Variants in PPFIA2 observed in about 807,000 individuals in gnomAD.
The protein encoded by PPFIA2 is liprin-alpha-2.
In PPFIA2, 46 loss-of-function variants were observed where a neutral mutation model predicts 175.5. That is an observed-to-expected ratio of 0.26 (90% confidence interval 0.21 to 0.34). The LOEUF (loss-of-function observed/expected upper bound fraction) is 0.34, where lower values mean the gene tolerates loss of function less well. Among genes scored for constraint, PPFIA2 ranks in the 10% least tolerant of loss-of-function variants. The pLI is 1.00. For synonymous variants in PPFIA2, 568 were observed against 511.4 expected (o/e 1.11, Z -1.49); for missense variants, 1,179 against 1,506.1 (o/e 0.78, Z 3.60).
intron 7 of PPFIA2, among the ~76,000 whole-genome samples, chr12:81,408,881 C>T (rs2043400426): frequency 6.6e-6 from 1 of 152,100 alleles, no homozygotes; most frequent in Admixed American, 6.6e-5. Context: ...ACAAATTATC[C>T]TGGGTAGTTA....
At chr12:81,356,668 A>T (rs1014698140) in intron 16 of PPFIA2, among the ~76,000 whole-genome samples, 1 of 152,096 alleles carries the variant, frequency 6.6e-6, no homozygotes, top group African/African-American at 2.4e-5. Context: ...GTCTCAAAAA[A>T]ATAAAAAAAA....
chr12:81,757,575 G>A (rs1015801651), intron 2 of PPFIA2, among the ~76,000 whole-genome samples: 13 of 152,058 alleles, frequency 8.5e-5, no homozygotes, highest in East Asian at 3.9e-4. Context: ...AAATTTAGCC[G>A]GAAGAATTTT....
chr12:81,588,008 G>C (rs933095403), intron 4 of PPFIA2, among the ~76,000 whole-genome samples: 11 of 152,008 alleles, frequency 7.2e-5, no homozygotes, highest in Non-Finnish European at 1.5e-4. Flanking sequence ...GACCAGTTAA[G>C]TGAAATAAAT....
At chr12:81,294,718 C>T (rs2046064557) in intron 24 of PPFIA2, 117 bp downstream of exon 24, 2 of 969,010 alleles carry the variant, frequency 2.1e-6, no homozygotes, top group Admixed American at 2.1e-5. Flanking sequence ...AGCTTAATCT[C>T]TTGAGAATAA....
At chr12:81,375,348 C>T (rs1275972815) in intron 10 of PPFIA2, among the ~76,000 whole-genome samples, 1 of 152,060 alleles carries the variant, frequency 6.6e-6, no homozygotes, top group Non-Finnish European at 1.5e-5. Flanking sequence ...AGCTTTGGCC[C>T]ACGGCTATAG....
At chr12:81,474,875 TAA>T (rs553136201) in intron 4 of PPFIA2, among the ~76,000 whole-genome samples, 73 of 152,306 alleles carry the variant, frequency 4.8e-4, no homozygotes, top group Non-Finnish European at 8.1e-4. Flanking sequence ...ATTTAGGTGA[TAA>T]AGTCACTAGC....
intron 28 of PPFIA2, among the ~76,000 whole-genome samples, chr12:81,275,810 T>C (rs1275580244): frequency 2.6e-5 from 4 of 151,406 alleles, no homozygotes; most frequent in Non-Finnish European, 5.9e-5. Flanking sequence ...GACGGAGTCT[T>C]GCTCTGTCAC....
At chr12:81,422,065 C>A (rs1047630125) in intron 7 of PPFIA2, among the ~76,000 whole-genome samples, 2 of 132,764 alleles carry the variant, frequency 1.5e-5, no homozygotes, top group African/African-American at 5.5e-5. Flanking sequence ...TATATATATA[C>A]GTGTGTGTGT....
intron 7 of PPFIA2, chr12:81,424,784 G>T (rs1323903430): frequency 6.6e-6 from 1 of 152,122 alleles, no homozygotes; most frequent in Non-Finnish European, 1.5e-5. Flanking sequence ...AATACCTGCT[G>T]GCTGGAAGTA....
intron 4 of PPFIA2, among the ~76,000 whole-genome samples, chr12:81,592,485 C>T (rs566192809): frequency 1.3e-5 from 2 of 152,228 alleles, no homozygotes; most frequent in African/African-American, 4.8e-5. Context: ...CCCACACTTC[C>T]TACATGTTGT....
chr12:81,552,725 T>C (rs527458160), intron 4 of PPFIA2, among the ~76,000 whole-genome samples: 9 of 152,046 alleles, frequency 5.9e-5, no homozygotes, highest in Non-Finnish European at 1.3e-4. Flanking sequence ...CTAAATTCAA[T>C]TTTTGACTAA....
At chr12:81,642,596 AAT>A (rs984551924) in intron 4 of PPFIA2, among the ~76,000 whole-genome samples, 3 of 143,664 alleles carry the variant, frequency 2.1e-5, no homozygotes, top group East Asian at 2.0e-4. Context: ...TAATATATGT[AAT>A]ATATATATAC....
At chr12:81,684,822 A>G (rs1311977488) in intron 3 of PPFIA2, among the ~76,000 whole-genome samples, 1 of 152,090 alleles carries the variant, frequency 6.6e-6, no homozygotes, top group Non-Finnish European at 1.5e-5. Context: ...GTATTTTCTC[A>G]TCTCTTGAGG....
intron 4 of PPFIA2, among the ~76,000 whole-genome samples, chr12:81,570,047 A>G (rs1473743552): frequency 1.3e-5 from 2 of 152,186 alleles, no homozygotes; most frequent in Non-Finnish European, 2.9e-5. Context: ...ATTATTTCAA[A>G]ACCCAGCAAA....
At position 81,339,312 on chromosome 12, in the gene PPFIA2, G is replaced by A; in HGVS notation, c.2416C>T (p.Pro806Ser). The change falls in exon 21 of 33, where the codon CCA (proline) becomes TCA (serine). Residue 806 changes from proline (P) to serine (S), a missense_variant. This residue lies in a region of PPFIA2 where 223 missense variants were observed against 241.6 expected (regional missense o/e 0.92). Transcript: ENST00000549396. ...GCACTACCAAGCCCGAGGCTTTCTGGCTCAAGAGAGACAGATAAACTACTG... is the reference window on the plus strand; with the variant it reads ...GCACTACCAAGCCCGAGGCTTTCTGACTCAAGAGAGACAGATAAACTACTG... The part of the protein sequence containing the change: ...ARSSLSVSLE[P>S]ESLGLGSANS... The A allele has an allele frequency of 6.3e-7, 1 of 1,598,068 alleles. No individual in the cohort carries two copies. The highest frequency in any genetic ancestry group is 8.5e-7 in the Non-Finnish European group (1 of 1,172,930).
chr12:81,261,903 ATTTTTTTGTCTTTT>A (rs2035691410), intron 32 of PPFIA2, 32 bp downstream of exon 32: 1 of 1,361,866 alleles, frequency 7.3e-7, no homozygotes. Flanking sequence ...TGTAGGTTCC[ATTTTTTTGTCTTTT>A]TTTTTTTGTC....
chr12:81,588,684 A>C (rs1363139669), intron 4 of PPFIA2, among the ~76,000 whole-genome samples: 3 of 152,042 alleles, frequency 2.0e-5, no homozygotes, highest in African/African-American at 7.2e-5. Context: ...CAACTTTATA[A>C]ATTCTTTTGA....
intron 4 of PPFIA2, among the ~76,000 whole-genome samples, chr12:81,504,665 A>C (rs2060951370): frequency 6.6e-6 from 1 of 152,188 alleles, no homozygotes; most frequent in African/African-American, 2.4e-5. Flanking sequence ...AAGAATTATA[A>C]ATCATTCTAC....
At chr12:81,680,508 T>C (rs997757833) in intron 3 of PPFIA2, among the ~76,000 whole-genome samples, 3 of 151,896 alleles carry the variant, frequency 2.0e-5, no homozygotes, top group African/African-American at 7.2e-5. Flanking sequence ...ACTGCACATA[T>C]CTATGTTGGC....
Sources: gnomAD v4.1 joint callset for allele counts (sites outside exome capture counted in the v4.1 genomes callset) on GRCh38, gnomAD v4.1.1 for gene constraint, gnomAD v4.1.1 regional missense constraint, MANE v1.5 for transcripts, NCBI Gene and HGNC (gene_info 2026-07-23, HGNC 2026-07-21) for gene names.